The following GRM5 variants were observed in gnomAD, a reference collection of about 807,000 sequenced individuals.
GRM5 encodes the protein metabotropic glutamate receptor 5.
Under a neutral mutation model 83.1 loss-of-function variants are expected in GRM5, and 19 were observed. The observed-to-expected ratio is 0.23, with a 90% CI of 0.16 to 0.34. GRM5 has a LOEUF of 0.34. Ranked by LOEUF, GRM5 falls within the 10% of genes least tolerant of loss-of-function variation. The probability of loss-of-function intolerance (pLI) is 1.00; values close to 1 mark genes in which losing one functional copy is unlikely to be tolerated. For missense variants in GRM5, 1,160 were observed against 1,588.3 expected (o/e 0.73, Z 4.58); for synonymous variants, 675 against 633.6 (o/e 1.07, Z -0.98).
At chr11:88,928,468 A>G (rs61903032) in intron 2 of GRM5, among the ~76,000 whole-genome samples, 1,287 of 14,858 alleles carry the variant, frequency 0.087, 12 homozygotes, top group African/African-American at 0.08. Context: ...GTGTGTGTAT[A>G]TATATATATA....
At chr11:88,767,873 A>G (rs1017193258) in intron 3 of GRM5, among the ~76,000 whole-genome samples, 3 of 151,950 alleles carry the variant, frequency 2.0e-5, no homozygotes, top group Non-Finnish European at 2.9e-5. Context: ...GGGACATTCA[A>G]ATCAAAACTA....
intron 3 of GRM5, among the ~76,000 whole-genome samples, chr11:88,664,456 T>C (rs150451175): frequency 0.01 from 1,576 of 152,266 alleles, 29 homozygotes; most frequent in African/African-American, 0.034. Context: ...TTTTTCTTTT[T>C]TTTAAAGATA....
chr11:88,526,739 C>T lies in GRM5; in HGVS notation c.2631-1335G>A, dbSNP rs576199457. ...AGGCCTTCCTCTTAATTTTTTTTCC[C>T]TTCTAAAATGTTTAAAGTATCTAGT... On this transcript the variant is annotated intron_variant, in intron 8 of 9. Coordinates refer to ENST00000305447, the MANE Select transcript of GRM5 (RefSeq NM_001143831.3). 6.3e-4 allele frequency among the ~76,000 whole-genome samples: 95 copies of T among 151,944 alleles called. 1 individual carries two copies. Among genetic ancestry groups the T allele is most frequent in the Middle Eastern group, 3.4e-3 (1 of 294 alleles).
intron 4 of GRM5, among the ~76,000 whole-genome samples, chr11:88,637,632 A>G (rs1328698537): frequency 5.5e-5 from 8 of 146,198 alleles, no homozygotes; most frequent in Non-Finnish European, 9.2e-5. Context: ...TTAGAATGGC[A>G]ATCATTAAAA....
chr11:88,790,723 C>A (rs1228019251), intron 3 of GRM5, among the ~76,000 whole-genome samples: 4 of 151,910 alleles, frequency 2.6e-5, no homozygotes, highest in Non-Finnish European at 5.9e-5. Context: ...TCTTAGGCAA[C>A]AGAGGTAATG....
chr11:88,661,717 T>C (rs1394104174), intron 3 of GRM5, among the ~76,000 whole-genome samples: 1 of 152,096 alleles, frequency 6.6e-6, no homozygotes, highest in Admixed American at 6.6e-5. Context: ...ATTGAGACTC[T>C]ATTTTATTTT....
At chr11:88,578,683 T>C (rs1943164198) in intron 7 of GRM5, among the ~76,000 whole-genome samples, 1 of 152,158 alleles carries the variant, frequency 6.6e-6, no homozygotes, top group Non-Finnish European at 1.5e-5. Flanking sequence ...TTTTGACTCA[T>C]CTTGTAGGAA....
intron 3 of GRM5, among the ~76,000 whole-genome samples, chr11:88,697,257 C>T (rs1940925598): frequency 6.6e-6 from 1 of 152,162 alleles, no homozygotes; most frequent in African/African-American, 2.4e-5. Context: ...ATGTGAAGAG[C>T]AGCTGACAGA....
At chr11:88,803,086 A>G (rs1943431063) in intron 3 of GRM5, among the ~76,000 whole-genome samples, 1 of 144,074 alleles carries the variant, frequency 6.9e-6, no homozygotes, top group Non-Finnish European at 1.5e-5. Context: ...GGAAGAATCA[A>G]TATCATGAAA....
chr11:89,015,358 C>T (rs1319149420), intron 2 of GRM5, among the ~76,000 whole-genome samples: 1 of 152,176 alleles, frequency 6.6e-6, no homozygotes, highest in African/African-American at 2.4e-5. Context: ...CATGCTATCA[C>T]CTTGGTGGCA....
chr11:89,065,828 C>T lies in GRM5; in HGVS notation c.-253G>A, dbSNP rs1942089123. The T allele has an allele frequency of 6.6e-6, 1 of 152,300 alleles. No homozygotes were observed. Among genetic ancestry groups the T allele is most frequent in the Admixed American group, 6.5e-5 (1 of 15,294 alleles). The allele number at this position is 152,300 out of a possible 1,614,324, so 9.4% of individuals were successfully genotyped here. A position where few individuals can be genotyped will look rare whatever the true frequency, so the allele number is the denominator to read the frequency against. ...CCAGGCAGCCGCTCCTCGAGGGCTT[C>T]CTGCGCTCTCGTAGCGGCCTTGGCT... On this transcript the variant is annotated 5_prime_UTR_variant, in exon 1 of 10. Coordinates refer to ENST00000305447, the MANE Select transcript of GRM5 (RefSeq NM_001143831.3).
intron 8 of GRM5, among the ~76,000 whole-genome samples, chr11:88,531,636 T>C (rs1942010242): frequency 6.6e-6 from 1 of 152,056 alleles, no homozygotes; most frequent in Non-Finnish European, 1.5e-5. Context: ...ACATATTTGG[T>C]TAAAAATGAG....
chr11:88,695,812 A>T (rs1940889251), intron 3 of GRM5, among the ~76,000 whole-genome samples: 1 of 152,080 alleles, frequency 6.6e-6, no homozygotes, highest in South Asian at 2.1e-4. Context: ...TAGAAGCCCT[A>T]GGGGAAGCAT....
At chr11:88,995,544 C>CA (rs1022656205) in intron 2 of GRM5, among the ~76,000 whole-genome samples, 1,812 of 16,786 alleles carry the variant, frequency 0.11, 322 homozygotes, top group African/African-American at 0.16. Context: ...GACTCCATCT[C>CA]AAAAAAAAAA....
chr11:88,787,237 A>G (rs937165040), intron 3 of GRM5, among the ~76,000 whole-genome samples: 3 of 151,702 alleles, frequency 2.0e-5, no homozygotes, highest in African/African-American at 7.3e-5. Context: ...CCGACATCCA[A>G]GCATCACTCA....
At chr11:88,549,044 T>C (rs893413247) in intron 8 of GRM5, among the ~76,000 whole-genome samples, 1 of 152,102 alleles carries the variant, frequency 6.6e-6, no homozygotes, top group Non-Finnish European at 1.5e-5. Context: ...GAGAATCTAA[T>C]GGAAATAACA....
At chr11:88,608,494 T>A (rs147001864) in intron 4 of GRM5, among the ~76,000 whole-genome samples, 143 of 150,772 alleles carry the variant, frequency 9.5e-4, no homozygotes, top group African/African-American at 3.3e-3. Context: ...CACTAAAATA[T>A]AAGCTCTATG....
intron 3 of GRM5, among the ~76,000 whole-genome samples, chr11:88,848,939 G>C (rs1364530425): frequency 6.6e-6 from 1 of 152,162 alleles, no homozygotes; most frequent in Non-Finnish European, 1.5e-5. Context: ...GATAGCATGA[G>C]ATGGACATCG....
intron 7 of GRM5, among the ~76,000 whole-genome samples, chr11:88,581,071 C>T (rs1281326075): frequency 6.6e-6 from 1 of 152,004 alleles, no homozygotes; most frequent in Non-Finnish European, 1.5e-5. Context: ...CAGTGATGTG[C>T]CACTGCACTC....
Sources: gnomAD v4.1 joint callset for allele counts (sites outside exome capture counted in the v4.1 genomes callset) on GRCh38, gnomAD v4.1.1 for gene constraint, MANE v1.5 for transcripts, NCBI Gene and HGNC (gene_info 2026-07-23, HGNC 2026-07-21) for gene names.